RAPGEF5: variants seen among roughly 807,000 people sequenced by gnomAD.
RAPGEF5 encodes M-Ras-regulated GEF.
RAPGEF5 carries 65 observed loss-of-function variants against 125.2 expected under a neutral mutation model. The ratio of observed to expected loss-of-function variants is 0.52; its 90% CI spans 0.43 to 0.64. The LOEUF is 0.64. Among genes scored for constraint, RAPGEF5 ranks in the 30% least tolerant of loss-of-function variants. RAPGEF5 has a pLI of 0.00. For synonymous variants in RAPGEF5, 391 were observed against 385.9 expected (o/e 1.01, Z -0.16); for missense variants, 958 against 1,048.1 (o/e 0.91, Z 1.19).
At chr7:22,266,919 C>T (rs1455462864) in intron 7 of RAPGEF5, 45 bp downstream of exon 7, 1 of 1,554,778 alleles carries the variant, frequency 6.4e-7, no homozygotes, top group South Asian at 1.1e-5. Context: ...TGAAATACCC[C>T]CAAAGAATTA....
chr7:22,166,167 T>C (rs1172680799), intron 12 of RAPGEF5, among the ~76,000 whole-genome samples: 2 of 150,346 alleles, frequency 1.3e-5, no homozygotes, highest in African/African-American at 4.9e-5. Flanking sequence ...ACCCAAGCAA[T>C]CCTCCCACCT....
At chr7:22,140,641 C>CTG (rs1783229193) in intron 20 of RAPGEF5, among the ~76,000 whole-genome samples, 1 of 152,190 alleles carries the variant, frequency 6.6e-6, no homozygotes, top group Non-Finnish European at 1.5e-5. Flanking sequence ...TGGGAATACT[C>CTG]TTCCACATTT....
At chr7:22,251,474 A>C (rs6967302) in intron 7 of RAPGEF5, among the ~76,000 whole-genome samples, 2,151 of 152,292 alleles carry the variant, frequency 0.014, 43 homozygotes, top group African/African-American at 0.048. Flanking sequence ...AGCTTCCACT[A>C]ACCAGGGAAC....
intron 17 of RAPGEF5, among the ~76,000 whole-genome samples, chr7:22,152,318 T>C (rs10276439): frequency 0.19 from 28,233 of 152,206 alleles, 3,554 homozygotes; most frequent in African/African-American, 0.36. Context: ...ATCTGCTCCT[T>C]CTTTGTTCAG....
intron 6 of RAPGEF5, among the ~76,000 whole-genome samples, chr7:22,277,351 AT>A (rs1204617341): frequency 6.6e-6 from 1 of 152,224 alleles, no homozygotes; most frequent in African/African-American, 2.4e-5. Context: ...TCAAATCCAA[AT>A]TCAAATTCTT....
intron 11 of RAPGEF5, among the ~76,000 whole-genome samples, chr7:22,179,781 A>G (rs1784618654): frequency 6.6e-6 from 1 of 152,074 alleles, no homozygotes; most frequent in Admixed American, 6.6e-5. Flanking sequence ...GCTAAAAGAC[A>G]CTCCCACCAG....
At chr7:22,345,988 C>G (rs935199619) in intron 1 of RAPGEF5, among the ~76,000 whole-genome samples, 1 of 152,140 alleles carries the variant, frequency 6.6e-6, no homozygotes, top group Non-Finnish European at 1.5e-5. Context: ...GCTCCCTCTG[C>G]TAATGCATTA....
At chr7:22,133,399 G>A (rs997605574) in intron 23 of RAPGEF5, among the ~76,000 whole-genome samples, 2 of 152,184 alleles carry the variant, frequency 1.3e-5, no homozygotes, top group Admixed American at 1.3e-4. Context: ...TGAAAAAAAC[G>A]AAGATGTCAG....
Position 22,156,983 on chromosome 7 carries a change from A to AT in RAPGEF5, c.1558-96dup, listed in dbSNP as rs547174365. On this transcript the variant is annotated intron_variant, in intron 15 of 25. Transcript: ENST00000665637. ...AATATGTTCCAAAAGAACTAGCCAA[A>AT]TTTTTTTTTAATATGAAATCCACCC... The AT allele has an allele frequency of 9.8e-4, 1,462 of 1,496,474 alleles. 2 individuals are homozygous for AT. The highest frequency in any genetic ancestry group is 7.1e-3 in the Middle Eastern group (39 of 5,484). 92.7% of individuals were successfully genotyped at this position (1,496,474 alleles called of 1,614,324 possible).
chr7:22,205,605 A>G (rs896216633), intron 9 of RAPGEF5, among the ~76,000 whole-genome samples: 2 of 152,236 alleles, frequency 1.3e-5, no homozygotes, highest in Non-Finnish European at 2.9e-5. Flanking sequence ...TGTTTTAAAA[A>G]CAGTAATTTG....
At chr7:22,331,390 A>G (rs1043750733) in intron 1 of RAPGEF5, among the ~76,000 whole-genome samples, 1 of 152,134 alleles carries the variant, frequency 6.6e-6, no homozygotes, top group African/African-American at 2.4e-5. Context: ...ATCTTTCTAT[A>G]CCCTCTTAAG....
intron 15 of RAPGEF5, 26 bp downstream of exon 15, chr7:22,157,829 T>C: frequency 6.2e-7 from 1 of 1,601,652 alleles, no homozygotes; most frequent in Non-Finnish European, 8.6e-7. Context: ...GATCACCTAA[T>C]TTTAGGTATA....
At chr7:22,315,177 A>G (rs1490726559) in intron 3 of RAPGEF5, among the ~76,000 whole-genome samples, 193 bp downstream of exon 3, 2 of 152,188 alleles carry the variant, frequency 1.3e-5, no homozygotes, top group African/African-American at 4.8e-5. Context: ...TAACTTCAGA[A>G]CAGGAGTCAA....
chr7:22,256,610 G>C (rs1441274465), intron 7 of RAPGEF5, among the ~76,000 whole-genome samples: 4 of 152,158 alleles, frequency 2.6e-5, no homozygotes, highest in Non-Finnish European at 5.9e-5. Context: ...ATGGGCTAAG[G>C]ACAGAGAGTG....
At chr7:22,149,045 G>C (rs1783534852) in intron 18 of RAPGEF5, among the ~76,000 whole-genome samples, 1 of 152,144 alleles carries the variant, frequency 6.6e-6, no homozygotes, top group Non-Finnish European at 1.5e-5. Flanking sequence ...AAATGTGCAG[G>C]GGCTTCAGAG....
At chr7:22,162,322 G>A in intron 13 of RAPGEF5, 75 bp downstream of exon 13, 2 of 1,433,154 alleles carry the variant, frequency 1.4e-6, no homozygotes, top group East Asian at 4.6e-5. Flanking sequence ...ACCTACAAAT[G>A]AGATTTTTAA....
chr7:22,236,345 G>A (rs942914876), intron 7 of RAPGEF5, among the ~76,000 whole-genome samples: 1 of 152,074 alleles, frequency 6.6e-6, no homozygotes, highest in South Asian at 2.1e-4. Flanking sequence ...TTCCAGTCAC[G>A]AGTTGAATAT....
At chr7:22,136,828 C>T (rs1783092860) in intron 22 of RAPGEF5, 105 bp downstream of exon 22, 1 of 997,470 alleles carries the variant, frequency 1.0e-6, no homozygotes, top group East Asian at 2.7e-5. Context: ...CTAGTCTAGG[C>T]TACCTGACAC....
At chr7:22,220,155 A>C in intron 8 of RAPGEF5, 164 bp from the exon 9 acceptor site, 5 of 848,350 alleles carry the variant, frequency 5.9e-6, no homozygotes, top group Non-Finnish European at 9.0e-6. Context: ...TTACATTATT[A>C]TAACCTAAGA....
Sources: allele counts gnomAD v4.1 joint callset (sites outside exome capture counted in the v4.1 genomes callset), GRCh38; gene constraint gnomAD v4.1.1; transcripts MANE v1.5; gene names NCBI Gene and HGNC (gene_info 2026-07-23, HGNC 2026-07-21).